PEX14: variants seen among roughly 807,000 people sequenced by gnomAD.
PEX14 encodes the protein peroxisomal biogenesis factor 14.
Under a neutral mutation model 49.5 loss-of-function variants are expected in PEX14, and 15 were observed. The observed-to-expected ratio is 0.30, with a 90% confidence interval of 0.20 to 0.47. The LOEUF (loss-of-function observed/expected upper bound fraction) is 0.47, where lower values mean the gene tolerates loss of function less well. PEX14 is among the 20% of genes least tolerant of loss of function. PEX14 has a pLI of 1.00. For missense variants in PEX14, 398 were observed against 494.8 expected (o/e 0.80, Z 1.86); for synonymous variants, 210 against 212.7 (o/e 0.99, Z 0.11).
intron 2 of PEX14, among the ~76,000 whole-genome samples, chr1:10,526,994 A>T (rs1473457879): frequency 6.6e-6 from 1 of 152,024 alleles, no homozygotes; most frequent in Non-Finnish European, 1.5e-5. Context: ...TGGGCAGATC[A>T]CTTGAGGTTA....
chr1:10,594,428 C>G (rs1231727814), intron 3 of PEX14, among the ~76,000 whole-genome samples: 2 of 152,206 alleles, frequency 1.3e-5, no homozygotes, highest in African/African-American at 4.8e-5. Flanking sequence ...GTCCCAATGA[C>G]CAGCCCTTGA....
chr1:10,550,591 A>G (rs966010252), intron 3 of PEX14, among the ~76,000 whole-genome samples: 2 of 152,274 alleles, frequency 1.3e-5, no homozygotes, highest in African/African-American at 4.8e-5. Context: ...TACAGACTGT[A>G]TAATAGCCAC....
chr1:10,555,848 C>T (rs1639473167), intron 3 of PEX14, among the ~76,000 whole-genome samples: 1 of 152,198 alleles, frequency 6.6e-6, no homozygotes, highest in African/African-American at 2.4e-5. Flanking sequence ...AACAGCAGAA[C>T]TTGCTTCATT....
intron 2 of PEX14, among the ~76,000 whole-genome samples, chr1:10,507,308 C>T (rs116092867): frequency 0.011 from 1,611 of 152,366 alleles, 15 homozygotes; most frequent in Non-Finnish European, 0.018. Context: ...GGCACACTAG[C>T]GTGCGTGCGG....
At chr1:10,540,150 T>G (rs1638958984) in intron 3 of PEX14, among the ~76,000 whole-genome samples, 2 of 152,184 alleles carry the variant, frequency 1.3e-5, no homozygotes, top group South Asian at 4.1e-4. Context: ...CTACTGTTCC[T>G]GGAAGTAGAA....
chr1:10,605,580 G>GC (rs1641102325), intron 4 of PEX14, among the ~76,000 whole-genome samples: 2 of 152,328 alleles, frequency 1.3e-5, no homozygotes, highest in South Asian at 4.1e-4. Flanking sequence ...AACAGCAAAG[G>GC]CCCGGGGCCA....
chr1:10,573,684 A>G (rs555971171), intron 3 of PEX14, among the ~76,000 whole-genome samples: 1 of 152,344 alleles, frequency 6.6e-6, no homozygotes, highest in South Asian at 2.1e-4. Flanking sequence ...GGCACTTTCT[A>G]CTCAAGTTAA....
In PEX14 at chr1:10,613,665, GTGAGAGT is replaced by G; in HGVS notation, c.299-4666_299-4660del. Among the ~76,000 whole-genome samples the G allele has an allele frequency of 6.6e-6, 1 of 152,204 alleles. No homozygotes were observed. The highest frequency in any genetic ancestry group is 1.5e-5 in the Non-Finnish European group (1 of 68,036). On this transcript the variant is annotated intron_variant, in intron 4 of 8. Coordinates refer to ENST00000356607, the MANE Select transcript of PEX14 (RefSeq NM_004565.3). The surrounding 1 kb of genome is among the most constrained non-coding windows in gnomAD (Gnocchi z 5.0). ...CGGTCCTTAGACAGCTGGGCTCTGA[GTGAGAGT>G]GAAGATATCGCCTGTTCTTGGATTC... is the stretch of plus-strand genomic sequence containing the variant.
At chr1:10,573,624 A>ATTGATGATGAGT (rs1328400287) in intron 3 of PEX14, among the ~76,000 whole-genome samples, 1 of 152,238 alleles carries the variant, frequency 6.6e-6, no homozygotes, top group Non-Finnish European at 1.5e-5. Context: ...AATGTGGAGC[A>ATTGATGATGAGT]GCAGTAACCC....
intron 2 of PEX14, among the ~76,000 whole-genome samples, chr1:10,503,189 T>C (rs187815655): frequency 6.3e-4 from 90 of 143,798 alleles, no homozygotes; most frequent in African/African-American, 2.3e-3. Context: ...GGCTTAGGCA[T>C]GAGAATCACT....
chr1:10,520,993 TAAACATTTTGAACTTTCC>T (rs1638275206), intron 2 of PEX14, among the ~76,000 whole-genome samples: 2 of 151,110 alleles, frequency 1.3e-5, no homozygotes, highest in Non-Finnish European at 1.5e-5. Flanking sequence ...TTTTTTTTTT[TAAACATTTTGAACTTTCC>T]TTTTACTTTT....
intron 1 of PEX14, among the ~76,000 whole-genome samples, chr1:10,482,074 C>T (rs905479053): frequency 2.6e-5 from 4 of 152,138 alleles, no homozygotes; most frequent in Non-Finnish European, 4.4e-5. Context: ...GTCTGCCCGT[C>T]TGGGCCTCCC....
chr1:10,541,595 C>G (rs978742871), intron 3 of PEX14, among the ~76,000 whole-genome samples: 1 of 152,224 alleles, frequency 6.6e-6, no homozygotes, highest in African/African-American at 2.4e-5. Flanking sequence ...TTGAGCATCT[C>G]CATCCATCTG....
At position 10,623,055 on chromosome 1, in the gene PEX14, G is replaced by A. The variant is rs1641641278; in HGVS notation, c.421G>A (p.Asp141Asn). ...CCCCCTCATCCTGGGCGGCCGAGAG[G>A]ACAGAAAGCAGCTGGAGAGGATGGA... The part of the protein sequence containing the change: ...LLPLILGGRE[D>N]RKQLERMEAG... Residue 141 changes from aspartate (D) to asparagine (N), a missense_variant, in exon 6 of 9, where the codon GAC (aspartate) becomes AAC (asparagine). Transcript: ENST00000356607. This position sits in a 1 kb window ranked among gnomAD's most constrained non-coding sequence, Gnocchi z 4.4. The A allele has an allele frequency of 6.2e-7, 1 of 1,613,958 alleles. No homozygotes were observed. Among genetic ancestry groups the A allele is most frequent in the African/African-American group, 1.3e-5 (1 of 74,998 alleles).
intron 3 of PEX14, among the ~76,000 whole-genome samples, chr1:10,552,764 G>C (rs147356103): frequency 1.3e-5 from 2 of 152,304 alleles, no homozygotes; most frequent in East Asian, 3.9e-4. Context: ...GGAGGCCTGG[G>C]GGGAGAGCGA....
At position 10,536,253 on chromosome 1, in the gene PEX14, G is replaced by T; in HGVS notation, c.125G>T (p.Arg42Leu). Residue 42 changes from arginine (R) to leucine (L), a missense_variant, in exon 3 of 9, where the codon CGC (arginine) becomes CTC (leucine). By Grantham distance (102) the Arg-to-Leu change is moderately radical. This residue lies in a region of PEX14 where 202 missense variants were observed against 298.5 expected (regional missense o/e 0.68). Transcript: ENST00000356607. ...AVKFLQNSRV[R>L]QSPLATRRAF... ...AAGTTTCTACAGAATTCCCGGGTCC[G>T]CCAGAGCCCACTTGCAACCAGGAGA... is the stretch of plus-strand genomic sequence containing the variant. 1.2e-6 allele frequency: 2 copies of T among 1,612,242 alleles called. No individual in the cohort carries two copies. The highest frequency in any genetic ancestry group is 1.1e-5 in the South Asian group (1 of 91,044).
intron 2 of PEX14, among the ~76,000 whole-genome samples, chr1:10,496,331 C>T (rs1178843070): frequency 6.6e-6 from 1 of 152,150 alleles, no homozygotes; most frequent in South Asian, 2.1e-4. Context: ...GCTTATATCC[C>T]AGCACTCCCA....
intron 3 of PEX14, among the ~76,000 whole-genome samples, chr1:10,580,631 TAATATGTAACATG>T (rs1455325167): frequency 6.6e-6 from 1 of 152,162 alleles, no homozygotes; most frequent in Admixed American, 6.5e-5. Context: ...TTAAAGTTCT[TAATATGTAACATG>T]GTGTAATATT....
rs575969358 is a variant in PEX14 at position 10,609,456 on chromosome 1, A to G, written c.299-8876A>G. ...TCATTTAACTCCTGTAACCAACACT[A>G]CAATCACAATATAGAAAATTTCTAT... On this transcript the variant is annotated intron_variant, in intron 4 of 8. Coordinates refer to ENST00000356607, the MANE Select transcript of PEX14 (RefSeq NM_004565.3). Among the ~76,000 whole-genome samples, 4 of 152,360 alleles carry G rather than the reference A, an allele frequency of 2.6e-5. No homozygotes were observed. In the East Asian group the frequency reaches 7.7e-4, roughly 29 times the overall value.
Sources: allele counts gnomAD v4.1 joint callset (sites outside exome capture counted in the v4.1 genomes callset), GRCh38; gene constraint gnomAD v4.1.1; regional missense constraint gnomAD v4.1.1; non-coding constraint Gnocchi (gnomAD v3.1); transcripts MANE v1.5; gene names NCBI Gene and HGNC (gene_info 2026-07-23, HGNC 2026-07-21).